SLC30A10: variants seen among roughly 807,000 people sequenced by gnomAD.
SLC30A10 encodes the protein calcium/manganese antiporter SLC30A10.
A neutral mutation model predicts 21.7 loss-of-function variants in SLC30A10; 8 were observed. The observed-to-expected ratio is 0.37, with a 90% CI of 0.22 to 0.67. The LOEUF (loss-of-function observed/expected upper bound fraction) is 0.67. Among genes scored for constraint, SLC30A10 ranks in the 30% least tolerant of loss-of-function variants. SLC30A10 has a pLI of 0.58. For synonymous variants in SLC30A10, 272 were observed against 279.4 expected (o/e 0.97, Z 0.26); for missense variants, 521 against 642.5 (o/e 0.81, Z 2.04).
rs749230881 is a variant in SLC30A10 at position 219,918,353 on chromosome 1, A to G, written c.860T>C (p.Met287Thr). Residue 287 changes from methionine (M) to threonine (T), a missense_variant, in exon 3 of 4, where the codon ATG becomes ACG. Transcript: ENST00000366926. This position sits in a 1 kb window ranked among gnomAD's most constrained non-coding sequence, Gnocchi z 4.4. ...GGCAGATGACAAAATGATGATGACC[A>G]TGAGGACAGTCAGGCTGGGGTCAAT... Reference protein sequence around the residue: ...CYIDPSLTVLMVIIILSSAFP... With the variant: ...CYIDPSLTVLTVIIILSSAFP... The G allele has an allele frequency of 1.2e-6, 2 of 1,614,052 alleles. No individual in the cohort carries two copies. Among genetic ancestry groups the G allele is most frequent in the African/African-American group, 1.3e-5 (1 of 74,918 alleles).
rs1659400087 is a variant in SLC30A10 at position 219,911,148 on chromosome 1, A to AGCTTTTTTTTT, written c.*4300_*4301insAAAAAAAAAGC. Among the ~76,000 whole-genome samples, 3 of 38,590 alleles carry AGCTTTTTTTTT rather than the reference A, an allele frequency of 7.8e-5. No individual in the cohort carries two copies. The Admixed American group carries it at 1.1e-3, about 14-fold the overall frequency. The allele number at this position is 38,590 out of a possible 152,430, so 25.3% of individuals were successfully genotyped here. A position where few individuals can be genotyped will look rare whatever the true frequency, so the allele number is the denominator to read the frequency against. On this transcript the variant is annotated 3_prime_UTR_variant, in exon 4 of 4. Transcript: ENST00000366926. ...CATGTTTCTTCATTTTTTCTACATC[A>AGCTTTTTTTTT]GTTTTTTTTTTTTTTTTTTTTTTTT...
chr1:219,953,392 C>G (rs550686016), intron 1 of SLC30A10, among the ~76,000 whole-genome samples: 8 of 151,642 alleles, frequency 5.3e-5, no homozygotes, highest in Admixed American at 2.0e-4. Flanking sequence ...GTCAGGAGAT[C>G]GAGACCATCC....
chr1:219,921,714 G>T (rs142617310), intron 2 of SLC30A10, among the ~76,000 whole-genome samples: 1 of 151,590 alleles, frequency 6.6e-6, no homozygotes, highest in African/African-American at 2.4e-5. Context: ...CCAAATTGTC[G>T]CAGCCTTCAG....
intron 1 of SLC30A10, among the ~76,000 whole-genome samples, chr1:219,939,434 T>C (rs1254899496): frequency 6.6e-6 from 1 of 151,920 alleles, no homozygotes; most frequent in South Asian, 2.1e-4. Flanking sequence ...TTTTTTTCCT[T>C]TTTTTTTCTT....
chr1:219,948,881 T>C (rs901067155), intron 1 of SLC30A10, among the ~76,000 whole-genome samples: 2 of 152,016 alleles, frequency 1.3e-5, no homozygotes, highest in African/African-American at 4.8e-5. Flanking sequence ...AGGGCTAATA[T>C]CCAGAATCTA....
rs1439038200 is a variant in SLC30A10, at chr1:219,918,591, A to G, written c.719-97T>C. On this transcript the variant is annotated intron_variant, in intron 2 of 3. Transcript: ENST00000366926. This position sits in a 1 kb window ranked among gnomAD's most constrained non-coding sequence, Gnocchi z 4.4. ...TCCGGGTATATGAATATCTGTTACC[A>G]TTTGGAGTTTTTTGGTTTTTGTTTT... 11 of 1,470,608 alleles carry G rather than the reference A, an allele frequency of 7.5e-6. No homozygotes were observed. Among genetic ancestry groups the G allele is most frequent in the Non-Finnish European group, 9.9e-6 (11 of 1,108,120 alleles). 91.1% of individuals were successfully genotyped at this position (1,470,608 alleles called of 1,614,324 possible). A position where few individuals can be genotyped will look rare whatever the true frequency, so the allele number is the denominator to read the frequency against.
At chr1:219,923,739 C>A (rs1659751021) in intron 2 of SLC30A10, among the ~76,000 whole-genome samples, 1 of 152,210 alleles carries the variant, frequency 6.6e-6, no homozygotes, top group Non-Finnish European at 1.5e-5. Context: ...CCATACTTTA[C>A]AGTAGAAGAC....
upstream of SLC30A10, among the ~76,000 whole-genome samples, chr1:219,930,447 T>C (rs759919571): frequency 1.3e-5 from 2 of 152,220 alleles, no homozygotes; most frequent in Non-Finnish European, 2.9e-5. Context: ...CACTCCAGCC[T>C]GGGTGACATA....
chr1:219,957,879 G>C (rs994452992), intron 1 of SLC30A10, among the ~76,000 whole-genome samples: 1 of 152,058 alleles, frequency 6.6e-6, no homozygotes, highest in South Asian at 2.1e-4. Flanking sequence ...TCTTTTGACA[G>C]ATAATCTAAT....
Position 219,910,714 on chromosome 1 carries a change from A to T in SLC30A10, c.*4735T>A, listed in dbSNP as rs1396247295. 6.6e-6 allele frequency among the ~76,000 whole-genome samples: 1 copy of T among 152,204 alleles called. No homozygotes were observed. The highest frequency in any genetic ancestry group is 1.5e-5 in the Non-Finnish European group (1 of 68,042). ...AAGAGGTCACTCTCCCTTGAAAATC[A>T]TCCTTTCCGGATTGTTCTCATTAGA... is the stretch of plus-strand genomic sequence containing the variant. On this transcript the variant is annotated 3_prime_UTR_variant, in exon 4 of 4. Transcript: ENST00000366926.
rs775864201 is a variant in SLC30A10, at chr1:219,927,097, A to G, written c.649T>C (p.Phe217Leu). 1.2e-6 allele frequency: 2 copies of G among 1,614,022 alleles called. No individual in the cohort carries two copies. Among genetic ancestry groups the G allele is most frequent in the South Asian group, 1.1e-5 (1 of 91,056 alleles). Residue 217 changes from phenylalanine (F) to leucine (L), a missense_variant, in exon 2 of 4, where the codon TTC becomes CTC. Transcript: ENST00000366926. Reference sequence around the variant, plus strand: ...TCTTCTGGCTCATTCTGGGTGTTGAAGGAATCACCTGCATTCAAAGAAGAA... The same window carrying G: ...TCTTCTGGCTCATTCTGGGTGTTGAGGGAATCACCTGCATTCAAAGAAGAA... Reference protein sequence around the residue: ...TVFANVAGDSFNTQNEPEDMM... With the variant: ...TVFANVAGDSLNTQNEPEDMM...
rs891109223 is a variant in SLC30A10 at position 219,912,362 on chromosome 1, A to G, written c.*3087T>C. ...AAAAATTAATTATATTTTCAAAAACAATGTTGAGAGTCAGAAAATGAAACA... is the reference window on the plus strand; with the variant it reads ...AAAAATTAATTATATTTTCAAAAACGATGTTGAGAGTCAGAAAATGAAACA... On this transcript the variant is annotated 3_prime_UTR_variant, in exon 4 of 4. Transcript: ENST00000366926. Among the ~76,000 whole-genome samples the G allele has an allele frequency of 2.6e-5, 4 of 152,042 alleles. No individual in the cohort carries two copies. Among genetic ancestry groups the G allele is most frequent in the African/African-American group, 9.7e-5 (4 of 41,396 alleles).
At chr1:219,947,490 G>T (rs993648613) in intron 1 of SLC30A10, among the ~76,000 whole-genome samples, 6 of 152,166 alleles carry the variant, frequency 3.9e-5, no homozygotes, top group Non-Finnish European at 7.4e-5. Context: ...CTGTGGTCAT[G>T]CCACTGCACT....
rs1288245670 is a variant in SLC30A10 at position 219,913,929 on chromosome 1, A to T, written c.*1520T>A. 2.0e-5 allele frequency: 3 copies of T among 152,194 alleles called. No homozygotes were observed. Among genetic ancestry groups the T allele is most frequent in the African/African-American group, 4.8e-5 (2 of 41,446 alleles). The allele number at this position is 152,194 out of a possible 1,614,324, so 9.4% of individuals were successfully genotyped here. A position where few individuals can be genotyped will look rare whatever the true frequency, so the allele number is the denominator to read the frequency against. Reference sequence around the variant, plus strand: ...ACCCTGTCTCTACAAAAAAAGAAAAAAATAATAATTTCCTATCCTACGGAT... The same window carrying T: ...ACCCTGTCTCTACAAAAAAAGAAAATAATAATAATTTCCTATCCTACGGAT... On this transcript the variant is annotated 3_prime_UTR_variant, in exon 4 of 4. Transcript: ENST00000366926.
chr1:219,944,579 C>T (rs141525731), intron 1 of SLC30A10, among the ~76,000 whole-genome samples: 84 of 152,220 alleles, frequency 5.5e-4, no homozygotes, highest in African/African-American at 1.9e-3. Flanking sequence ...GTCTCAGGGA[C>T]CTGTGTAACT....
intron 1 of SLC30A10, among the ~76,000 whole-genome samples, chr1:219,944,013 T>C (rs1418125999): frequency 6.7e-6 from 1 of 148,778 alleles, no homozygotes; most frequent in Non-Finnish European, 1.5e-5. Context: ...GGTAGGAGAA[T>C]GGCGTGAACC....
upstream of SLC30A10, among the ~76,000 whole-genome samples, chr1:219,930,829 G>T (rs1276405258): frequency 2.6e-5 from 4 of 152,162 alleles, no homozygotes; most frequent in Non-Finnish European, 5.9e-5. Context: ...AAGATTAAAT[G>T]AGTTAATATG....
At chr1:219,925,651 A>ATATATTTT (rs1317554458) in intron 2 of SLC30A10, among the ~76,000 whole-genome samples, 2 of 48,284 alleles carry the variant, frequency 4.1e-5, no homozygotes, top group African/African-American at 2.3e-4. Flanking sequence ...ATATATATAT[A>ATATATTTT]TTTTTTTTTT....
At chr1:219,936,399 G>A (rs565572630) in intron 1 of SLC30A10, among the ~76,000 whole-genome samples, 38 of 152,306 alleles carry the variant, frequency 2.5e-4, no homozygotes, top group African/African-American at 8.4e-4. Flanking sequence ...ATTTAAATGG[G>A]TCAGCTTAAG....
Sources: gnomAD v4.1 joint callset for allele counts (sites outside exome capture counted in the v4.1 genomes callset) on GRCh38, gnomAD v4.1.1 for gene constraint, Gnocchi (gnomAD v3.1) non-coding constraint, MANE v1.5 for transcripts, NCBI Gene and HGNC (gene_info 2026-07-23, HGNC 2026-07-21) for gene names.